The following ISCA1 variants were observed in gnomAD, a reference collection of about 807,000 sequenced individuals.
ISCA1 encodes iron-sulfur cluster assembly 1, also known as iron-sulfur cluster assembly 1 homolog, mitochondrial.
Under a neutral mutation model 14.7 loss-of-function variants are expected in ISCA1, and 9 were observed. That is an observed-to-expected ratio of 0.61 (90% CI 0.37 to 1.07). ISCA1 has a LOEUF of 1.07. ISCA1 is among the 50% of genes least tolerant of loss of function. The pLI, the probability that ISCA1 is intolerant of heterozygous loss-of-function variation, is 0.01. For missense variants in ISCA1, 102 were observed against 150.1 expected, an observed-to-expected ratio of 0.68 and a Z score of 1.67; for synonymous variants, 38 against 54.3, an observed-to-expected ratio of 0.70 and a Z score of 1.32.
At position 86,267,504 on chromosome 9, in the gene ISCA1, A is replaced by G. The variant is rs191738456; in HGVS notation, c.242-1313T>C. The G allele has an allele frequency of 4.1e-6, 4 of 977,136 alleles. No individual in the cohort carries two copies. In the East Asian group the frequency reaches 4.6e-4, roughly 111 times the overall value. The allele number at this position is 977,136 out of a possible 1,614,324, so 60.5% of individuals were successfully genotyped here. A position where few individuals can be genotyped will look rare whatever the true frequency, so the allele number is the denominator to read the frequency against. Reference sequence around the variant, plus strand: ...CTAAGTGCATACTTCCAATGACAAGATAAATTATTTATTTTAGATAGGTTT... The same window carrying G: ...CTAAGTGCATACTTCCAATGACAAGGTAAATTATTTATTTTAGATAGGTTT... On this transcript the variant is annotated intron_variant, in intron 3 of 3. Coordinates refer to ENST00000375991, the MANE Select transcript of ISCA1 (RefSeq NM_030940.4).
intron 3 of ISCA1, among the ~76,000 whole-genome samples, chr9:86,270,828 TAAACTATCGCAAGGACAAAAAACCA>T (rs1454337932): frequency 6.7e-6 from 1 of 149,022 alleles, no homozygotes; most frequent in Non-Finnish European, 1.5e-5. Context: ...TCATTCTCAG[TAAACTATCGCAAGGACAAAAAACCA>T]AACACCACAT....
chr9:86,270,948 G>C (rs1267296309), intron 3 of ISCA1, among the ~76,000 whole-genome samples: 3 of 108,306 alleles, frequency 2.8e-5, no homozygotes, highest in African/African-American at 7.1e-5. Context: ...GTTGTGGGGC[G>C]GGGGGAGGGG....
chr9:86,269,427 A>G (rs1825336763), intron 3 of ISCA1, among the ~76,000 whole-genome samples: 1 of 152,194 alleles, frequency 6.6e-6, no homozygotes, highest in African/African-American at 2.4e-5. Context: ...ACCACTGCTC[A>G]ATGAAATAAA....
intron 1 of ISCA1, among the ~76,000 whole-genome samples, chr9:86,278,856 G>A (rs902696531): frequency 6.6e-6 from 1 of 152,018 alleles, no homozygotes; most frequent in Non-Finnish European, 1.5e-5. Context: ...TGTGATTTAG[G>A]TATTAAAGAT....
At chr9:86,274,112 A>G in intron 2 of ISCA1, 77 bp downstream of exon 2, 1 of 803,762 alleles carries the variant, frequency 1.2e-6, no homozygotes, top group Non-Finnish European at 2.1e-6. Context: ...ATGAAATAAT[A>G]CTGTATATCA....
chr9:86,282,019 G>C (rs1221629740), intron 1 of ISCA1: 1 of 227,806 alleles, frequency 4.4e-6, no homozygotes, highest in South Asian at 1.0e-4. Flanking sequence ...CACCGGGCAC[G>C]TTCAGCCTCT....
At chr9:86,271,019 C>T (rs972414083) in intron 3 of ISCA1, among the ~76,000 whole-genome samples, 1 of 150,346 alleles carries the variant, frequency 6.7e-6, no homozygotes, top group African/African-American at 2.5e-5. Flanking sequence ...GTGCAGCACA[C>T]CAGCATGGCA....
chr9:86,268,092 TA>T (rs1300848069), intron 3 of ISCA1, among the ~76,000 whole-genome samples: 1 of 152,120 alleles, frequency 6.6e-6, no homozygotes, highest in African/African-American at 2.4e-5. Context: ...TTTAAAATTT[TA>T]GAGTGTACTT....
At chr9:86,272,209 ACTTT>A in intron 2 of ISCA1, 97 bp from the exon 3 acceptor site, 2 of 765,450 alleles carry the variant, frequency 2.6e-6, no homozygotes, top group South Asian at 3.1e-5. Context: ...ACCAAAATGG[ACTTT>A]CTCTTATTTT....
intron 1 of ISCA1, among the ~76,000 whole-genome samples, chr9:86,280,241 TAA>T (rs1219814993): frequency 6.6e-6 from 1 of 152,080 alleles, no homozygotes; most frequent in Non-Finnish European, 1.5e-5. Context: ...CAGATCTTGA[TAA>T]ATGTCTGCTG....
At chr9:86,272,176 T>C in intron 2 of ISCA1, 64 bp from the exon 3 acceptor site, 2 of 990,796 alleles carry the variant, frequency 2.0e-6, no homozygotes, top group Non-Finnish European at 3.2e-6. Context: ...ATTATACTAA[T>C]AAAGTGACAG....
At chr9:86,275,758 GA>G (rs1346198351) in intron 1 of ISCA1, among the ~76,000 whole-genome samples, 1 of 152,222 alleles carries the variant, frequency 6.6e-6, no homozygotes, top group Non-Finnish European at 1.5e-5. Flanking sequence ...GGTTCTGTCA[GA>G]AAAGGAGGCA....
intron 1 of ISCA1, 158 bp downstream of exon 1, chr9:86,282,220 G>T: frequency 1.4e-6 from 1 of 734,160 alleles, no homozygotes; most frequent in Non-Finnish European, 2.2e-6. Flanking sequence ...AGGGGCCGGA[G>T]GCGAAGGAGG....
intron 3 of ISCA1, among the ~76,000 whole-genome samples, chr9:86,268,998 G>C (rs1364208223): frequency 6.6e-6 from 1 of 152,114 alleles, no homozygotes; most frequent in Non-Finnish European, 1.5e-5. Context: ...GTTTCACCAT[G>C]TTGGCCAGGC....
rs1227614510 is a variant in ISCA1 at position 86,266,071 on chromosome 9, C to T, written c.362G>A (p.Cys121Tyr). The change falls in exon 4 of 4, where the codon TGT (cysteine) becomes TAT (tyrosine). Residue 121 changes from cysteine (C) to tyrosine (Y), a missense_variant. Physicochemically the swap from Cys to Tyr is radical, Grantham distance 194. Coordinates refer to ENST00000375991, the MANE Select transcript of ISCA1 (RefSeq NM_030940.4). ...VFNNPNIKGT[C>Y]GCGESFNI is the part of the protein sequence containing the mutation. ...AATATTAAAGCTTTCTCCACAGCCA[C>T]AAGTCCCTTTGATGTTTGGGTTATT... is the stretch of plus-strand genomic sequence containing the variant. 1.9e-6 allele frequency: 3 copies of T among 1,612,338 alleles called. No homozygotes were observed. The Admixed American group carries it at 5.0e-5, about 27-fold the overall frequency.
intron 3 of ISCA1, chr9:86,267,271 C>T (rs1587817382): frequency 3.7e-6 from 3 of 802,126 alleles, no homozygotes; most frequent in Non-Finnish European, 4.5e-6. Flanking sequence ...TTCTTCCTTA[C>T]AAGAAATTGA....
intron 1 of ISCA1, among the ~76,000 whole-genome samples, chr9:86,277,309 A>C (rs1227773208): frequency 6.6e-6 from 1 of 152,182 alleles, no homozygotes; most frequent in Admixed American, 6.5e-5. Flanking sequence ...AATATGTCTT[A>C]ATTTTCCTGT....
chr9:86,270,629 A>G (rs1713178790), intron 3 of ISCA1, among the ~76,000 whole-genome samples: 1 of 152,082 alleles, frequency 6.6e-6, no homozygotes, highest in Admixed American at 6.6e-5. Flanking sequence ...TGCTGCTATA[A>G]AGACACATGC....
chr9:86,268,792 T>C (rs1825326110), intron 3 of ISCA1, among the ~76,000 whole-genome samples: 2 of 152,002 alleles, frequency 1.3e-5, no homozygotes, highest in Non-Finnish European at 2.9e-5. Flanking sequence ...CAGTGCACTA[T>C]GATGTCTTTT....
Sources: gnomAD v4.1 joint callset for allele counts (sites outside exome capture counted in the v4.1 genomes callset) on GRCh38, gnomAD v4.1.1 for gene constraint, MANE v1.5 for transcripts, NCBI Gene and HGNC (gene_info 2026-07-23, HGNC 2026-07-21) for gene names.